MORC1: variants seen among roughly 807,000 people sequenced by gnomAD.
MORC1 encodes the protein MORC family CW-type zinc finger 1.
In MORC1, 59 loss-of-function variants were observed where a neutral mutation model predicts 134.9. The observed-to-expected ratio is 0.44, with a 90% CI of 0.35 to 0.54. MORC1 has a LOEUF of 0.54. Ranked by LOEUF, MORC1 falls within the 20% of genes least tolerant of loss-of-function variation. The pLI is 0.00. For synonymous variants in MORC1, 395 were observed against 391.7 expected (o/e 1.01, Z -0.10); for missense variants, 947 against 1,134.5 (o/e 0.83, Z 2.37).
At chr3:108,985,177 C>A (rs1408708843) in intron 22 of MORC1, among the ~76,000 whole-genome samples, 1 of 152,046 alleles carries the variant, frequency 6.6e-6, no homozygotes, top group Non-Finnish European at 1.5e-5. Flanking sequence ...CTGACAGATC[C>A]CGATGAAAAA....
intron 14 of MORC1, among the ~76,000 whole-genome samples, chr3:109,037,351 C>T (rs1365200674): frequency 1.3e-5 from 2 of 152,228 alleles, no homozygotes; most frequent in Non-Finnish European, 2.9e-5. Flanking sequence ...ATCTCATACT[C>T]TTCTTCTCTG....
chr3:109,015,989 A>G (rs1293631193), intron 17 of MORC1, among the ~76,000 whole-genome samples: 1 of 152,218 alleles, frequency 6.6e-6, no homozygotes, highest in Non-Finnish European at 1.5e-5. Flanking sequence ...AGGGAACCCA[A>G]GTCTGAACAT....
chr3:108,999,230 T>C (rs372799579), intron 21 of MORC1, among the ~76,000 whole-genome samples: 1 of 152,334 alleles, frequency 6.6e-6, no homozygotes, highest in East Asian at 1.9e-4. Context: ...AGTGAGGCTA[T>C]TTCTGTTCCC....
rs566084827 is a variant in MORC1, at chr3:109,105,840, CT to C, written c.155-1924del. On this transcript the variant is annotated intron_variant, in intron 3 of 27. Coordinates refer to ENST00000232603, the MANE Select transcript of MORC1 (RefSeq NM_014429.4). ...ATCCCCTCTTCTCTCCAATTTACTT[CT>C]TTGTCTGTAAACTTTTAGGATCCGG... 6.6e-5 allele frequency among the ~76,000 whole-genome samples: 10 copies of C among 152,284 alleles called. No individual in the cohort carries two copies. The South Asian group carries it at 1.9e-3, about 28-fold the overall frequency.
At chr3:109,070,896 TC>T (rs753342592) in intron 8 of MORC1, among the ~76,000 whole-genome samples, 6,036 of 152,258 alleles carry the variant, frequency 0.04, 251 homozygotes, top group Middle Eastern at 0.11. Flanking sequence ...CAAAGGAAAT[TC>T]TCTTAAATAA....
intron 27 of MORC1, among the ~76,000 whole-genome samples, chr3:108,961,586 G>A (rs2715758): frequency 0.35 from 52,597 of 151,992 alleles, 9,522 homozygotes; most frequent in Middle Eastern, 0.49. Context: ...AGTGGCTCTG[G>A]CAACCAGAAA....
At chr3:109,047,812 T>C (rs1305968811) in intron 14 of MORC1, among the ~76,000 whole-genome samples, 4 of 152,174 alleles carry the variant, frequency 2.6e-5, no homozygotes, top group African/African-American at 4.8e-5. Flanking sequence ...AACCAAGTAG[T>C]AGATGAAAGA....
At position 108,984,645 on chromosome 3, in the gene MORC1, A is replaced by C; in HGVS notation, c.2324+71T>G. On this transcript the variant is annotated intron_variant, in intron 23 of 27. Coordinates refer to ENST00000232603, the MANE Select transcript of MORC1 (RefSeq NM_014429.4). Reference sequence around the variant, plus strand: ...TATTATTTCCTTTCTTCTTGTATTTAAACATTGATAATTACTTTTCAGCAG... The same window carrying C: ...TATTATTTCCTTTCTTCTTGTATTTCAACATTGATAATTACTTTTCAGCAG... 5.2e-6 allele frequency: 6 copies of C among 1,153,162 alleles called. No homozygotes were observed. In the South Asian group the frequency reaches 5.9e-5, roughly 11 times the overall value. 71.4% of individuals were successfully genotyped at this position (1,153,162 alleles called of 1,614,324 possible). A position where few individuals can be genotyped will look rare whatever the true frequency, so the allele number is the denominator to read the frequency against.
chr3:108,999,807 A>G (rs1270930980), intron 21 of MORC1, among the ~76,000 whole-genome samples: 2 of 152,240 alleles, frequency 1.3e-5, no homozygotes, highest in African/African-American at 4.8e-5. Flanking sequence ...ATTTATATTC[A>G]GATAAAAGAA....
At chr3:108,966,871 G>T (rs1487910145) in intron 26 of MORC1, among the ~76,000 whole-genome samples, 1 of 152,112 alleles carries the variant, frequency 6.6e-6, no homozygotes. Flanking sequence ...TGGAACAGAG[G>T]CCTGTGAGGA....
At chr3:108,971,613 G>T (rs971872062) in intron 24 of MORC1, among the ~76,000 whole-genome samples, 5 of 152,100 alleles carry the variant, frequency 3.3e-5, no homozygotes, top group South Asian at 2.1e-4. Flanking sequence ...CTATAAAAAG[G>T]CAATAGGAGG....
At chr3:109,083,251 A>G (rs546604372) in intron 8 of MORC1, among the ~76,000 whole-genome samples, 2 of 152,076 alleles carry the variant, frequency 1.3e-5, no homozygotes, top group East Asian at 1.9e-4. Flanking sequence ...CACCAGACCC[A>G]TCTTACAAGA....
In MORC1 at chr3:109,076,987, A is replaced by AAG. The variant is rs540450879; in HGVS notation, c.690-7231_690-7230insCT. Among the ~76,000 whole-genome samples, 827 of 151,756 alleles carry AAG rather than the reference A, an allele frequency of 5.4e-3. 10 individuals carry two copies. Among genetic ancestry groups the AAG allele is most frequent in the South Asian group, 0.03 (145 of 4,800 alleles). ...AACTTAAAGTATTAAAAAAAAAAAAAAAGTTAAGAGAAAATCCTGAAAGTT... is the reference window on the plus strand; with the variant it reads ...AACTTAAAGTATTAAAAAAAAAAAAAAGAAGTTAAGAGAAAATCCTGAAAGTT... On this transcript the variant is annotated intron_variant, in intron 8 of 27. Coordinates refer to ENST00000232603, the MANE Select transcript of MORC1 (RefSeq NM_014429.4).
At chr3:109,008,093 G>A (rs1948591059) in intron 17 of MORC1, among the ~76,000 whole-genome samples, 1 of 152,038 alleles carries the variant, frequency 6.6e-6, no homozygotes, top group Admixed American at 6.6e-5. Flanking sequence ...TTTCTCTTTA[G>A]TGTATAAAGA....
chr3:109,001,817 C>G (rs1948411611), intron 20 of MORC1, among the ~76,000 whole-genome samples: 1 of 152,150 alleles, frequency 6.6e-6, no homozygotes, highest in Non-Finnish European at 1.5e-5. Flanking sequence ...CCTCTGAAAT[C>G]CAGACTCATG....
At chr3:108,972,428 A>C (rs756993702) in intron 24 of MORC1, among the ~76,000 whole-genome samples, 1 of 152,212 alleles carries the variant, frequency 6.6e-6, no homozygotes, top group Non-Finnish European at 1.5e-5. Context: ...CCATACTTTA[A>C]GTATATTATT....
At chr3:109,088,039 C>T (rs1292907414) in intron 8 of MORC1, among the ~76,000 whole-genome samples, 2 of 152,022 alleles carry the variant, frequency 1.3e-5, no homozygotes, top group African/African-American at 2.4e-5. Context: ...AAGATTGAAG[C>T]GGGACCCCTT....
intron 14 of MORC1, among the ~76,000 whole-genome samples, chr3:109,047,549 G>T (rs1003694043): frequency 3.4e-5 from 5 of 149,138 alleles, no homozygotes; most frequent in African/African-American, 4.9e-5. Flanking sequence ...TAAGAATGTG[G>T]TTTTTTTTTT....
intron 8 of MORC1, among the ~76,000 whole-genome samples, chr3:109,087,781 C>CA (rs1028220114): frequency 1.3e-4 from 20 of 152,080 alleles, no homozygotes; most frequent in African/African-American, 4.8e-4. Flanking sequence ...CAATCCTAAG[C>CA]AAAAAGAACA....
Sources: gnomAD v4.1 joint callset for allele counts (sites outside exome capture counted in the v4.1 genomes callset) on GRCh38, gnomAD v4.1.1 for gene constraint, MANE v1.5 for transcripts, NCBI Gene and HGNC (gene_info 2026-07-23, HGNC 2026-07-21) for gene names.